Variants in APBB2 observed in about 807,000 individuals in gnomAD.
APBB2 encodes amyloid beta precursor protein binding family B member 2, also known as Fe65-like 1.
Under a neutral mutation model 82.5 loss-of-function variants are expected in APBB2, and 38 were observed. The observed-to-expected ratio is 0.46, with a 90% CI of 0.36 to 0.60. The LOEUF (loss-of-function observed/expected upper bound fraction) is 0.60, where lower values mean the gene tolerates loss of function less well. Among genes scored for constraint, APBB2 ranks in the 20% least tolerant of loss-of-function variants. The pLI is 0.00. For synonymous variants in APBB2, 341 were observed against 368.2 expected, an observed-to-expected ratio of 0.93 and a Z score of 0.85; for missense variants, 772 against 972.3, an observed-to-expected ratio of 0.79 and a Z score of 2.74.
At chr4:40,887,547 A>G (rs552118459) in intron 12 of APBB2, among the ~76,000 whole-genome samples, 1 of 145,404 alleles carries the variant, frequency 6.9e-6, no homozygotes, top group African/African-American at 2.7e-5. Flanking sequence ...GCTGTTAAGG[A>G]AAAAAAAAGG....
At chr4:40,881,516 ATCTTT>A in intron 12 of APBB2, 1 of 228,236 alleles carries the variant, frequency 4.4e-6, no homozygotes, top group Non-Finnish European at 6.2e-6. Flanking sequence ...CTTTCCTTTT[ATCTTT>A]TCTTTTCTTT....
intron 5 of APBB2, among the ~76,000 whole-genome samples, chr4:41,022,893 GA>G (rs1379284987): frequency 6.6e-6 from 1 of 151,848 alleles, no homozygotes; most frequent in Non-Finnish European, 1.5e-5. Flanking sequence ...TCCTTTCCTT[GA>G]AAAAAAGGAA....
At chr4:40,911,428 T>C (rs554958340) in intron 10 of APBB2, among the ~76,000 whole-genome samples, 1 of 152,324 alleles carries the variant, frequency 6.6e-6, no homozygotes, top group East Asian at 1.9e-4. Context: ...ACCTTTATTA[T>C]GATTAGCTCT....
chr4:40,842,984 A>G (rs1756352328), intron 12 of APBB2, among the ~76,000 whole-genome samples: 1 of 152,152 alleles, frequency 6.6e-6, no homozygotes, highest in South Asian at 2.1e-4. Flanking sequence ...TGGAACGGAG[A>G]GAGGAACACA....
At chr4:41,103,097 A>G (rs1004583107) in intron 2 of APBB2, among the ~76,000 whole-genome samples, 10 of 152,218 alleles carry the variant, frequency 6.6e-5, no homozygotes, top group African/African-American at 2.4e-4. Context: ...ATATTTTGTC[A>G]TTATGTTTAA....
At chr4:40,974,275 G>T (rs1216567061) in intron 6 of APBB2, among the ~76,000 whole-genome samples, 2 of 152,256 alleles carry the variant, frequency 1.3e-5, no homozygotes, top group African/African-American at 4.8e-5. Flanking sequence ...AGGTACCAGA[G>T]GTTAGCTCTT....
At chr4:41,161,187 A>C (rs1050738769) in intron 1 of APBB2, among the ~76,000 whole-genome samples, 14 of 151,958 alleles carry the variant, frequency 9.2e-5, no homozygotes, top group African/African-American at 3.4e-4. Flanking sequence ...AAAAAAAAAA[A>C]AAAAAAACGT....
chr4:40,918,280 C>T (rs1335209475), intron 10 of APBB2, among the ~76,000 whole-genome samples: 2 of 152,214 alleles, frequency 1.3e-5, no homozygotes, highest in Admixed American at 6.5e-5. Context: ...CTACAGACAT[C>T]TTTCAAAGAG....
chr4:40,992,904 C>T (rs978462388), intron 6 of APBB2, among the ~76,000 whole-genome samples: 7 of 152,188 alleles, frequency 4.6e-5, no homozygotes, highest in African/African-American at 1.4e-4. Flanking sequence ...TGTCTTCCTG[C>T]CTACTTGTTC....
At chr4:40,990,135 C>CA (rs1801608122) in intron 6 of APBB2, 1 of 152,168 alleles carries the variant, frequency 6.6e-6, no homozygotes, top group Non-Finnish European at 1.5e-5. Flanking sequence ...ATTAATTACT[C>CA]AGCTTTAAAG....
intron 5 of APBB2, among the ~76,000 whole-genome samples, chr4:41,023,938 G>A (rs1712841510): frequency 6.6e-6 from 1 of 152,066 alleles, no homozygotes; most frequent in Non-Finnish European, 1.5e-5. Flanking sequence ...TTATACTACA[G>A]GGCTTCAGTA....
At chr4:40,820,029 A>G (rs887681159) in intron 17 of APBB2, among the ~76,000 whole-genome samples, 4 of 152,164 alleles carry the variant, frequency 2.6e-5, no homozygotes, top group African/African-American at 9.7e-5. Context: ...ACTGTAACAG[A>G]GTTTAGGTTT....
intron 10 of APBB2, among the ~76,000 whole-genome samples, chr4:40,920,028 T>G (rs1436238665): frequency 6.6e-6 from 1 of 152,202 alleles, no homozygotes; most frequent in African/African-American, 2.4e-5. Flanking sequence ...TGTCATTCAC[T>G]GGGAGTCAAC....
chr4:40,888,034 G>C (rs1770834707), intron 12 of APBB2, among the ~76,000 whole-genome samples: 2 of 152,168 alleles, frequency 1.3e-5, no homozygotes, highest in Admixed American at 6.5e-5. Context: ...CGTACTTCAA[G>C]TCTCCCTGCG....
chr4:40,823,141 T>C (rs979666029), intron 16 of APBB2, among the ~76,000 whole-genome samples: 1 of 152,204 alleles, frequency 6.6e-6, no homozygotes, highest in Admixed American at 6.5e-5. Flanking sequence ...TGCTTCCAAC[T>C]GTGTGATGCT....
chr4:41,020,730 C>G (rs2154433396), intron 5 of APBB2, among the ~76,000 whole-genome samples: 1 of 152,004 alleles, frequency 6.6e-6, no homozygotes, highest in South Asian at 2.1e-4. Context: ...TACTACCACA[C>G]ACTCTCAAAG....
chr4:40,988,548 G>C (rs1267634568), intron 6 of APBB2, among the ~76,000 whole-genome samples: 1 of 140,050 alleles, frequency 7.1e-6, no homozygotes, highest in South Asian at 2.4e-4. Context: ...TGAGGCAGGA[G>C]AATCACTTGA....
chr4:40,973,608 G>A (rs1306459586), intron 6 of APBB2, among the ~76,000 whole-genome samples: 1 of 152,192 alleles, frequency 6.6e-6, no homozygotes, highest in African/African-American at 2.4e-5. Flanking sequence ...TAAAACAACA[G>A]AAATCTATCG....
chr4:40,836,482 AC>A (rs1193541210), intron 12 of APBB2, among the ~76,000 whole-genome samples: 4 of 142,750 alleles, frequency 2.8e-5, no homozygotes, highest in African/African-American at 1.0e-4. Context: ...CATCTCAAAA[AC>A]AAACAAACAA....
Sources: allele counts gnomAD v4.1 joint callset (sites outside exome capture counted in the v4.1 genomes callset), GRCh38; gene constraint gnomAD v4.1.1; transcripts MANE v1.5; gene names NCBI Gene and HGNC (gene_info 2026-07-23, HGNC 2026-07-21).